The following NKAIN2 variants were observed in gnomAD, a reference collection of about 807,000 sequenced individuals.
NKAIN2 encodes sodium/potassium-transporting ATPase subunit beta-1-interacting protein 2.
A neutral mutation model predicts 32.6 loss-of-function variants in NKAIN2; 14 were observed. The ratio of observed to expected loss-of-function variants is 0.43; its 90% CI spans 0.28 to 0.67. The LOEUF is 0.67. Among genes scored for constraint, NKAIN2 ranks in the 30% least tolerant of loss-of-function variants. The pLI, the probability that NKAIN2 is intolerant of heterozygous loss-of-function variation, is 0.17. For missense variants in NKAIN2, 198 were observed against 258.3 expected (o/e 0.77, Z 1.60); for synonymous variants, 80 against 87.2 (o/e 0.92, Z 0.46).
chr6:124,679,480 A>G (rs1011406615), intron 4 of NKAIN2, among the ~76,000 whole-genome samples: 5 of 152,176 alleles, frequency 3.3e-5, no homozygotes, highest in African/African-American at 1.2e-4. Flanking sequence ...CAATCATACT[A>G]TACTGAGCCA....
chr6:124,796,726 C>T, intron 5 of NKAIN2, among the ~76,000 whole-genome samples: 1 of 152,146 alleles, frequency 6.6e-6, no homozygotes. Context: ...CCTTAGAACC[C>T]TATTTGAGTG....
At chr6:124,455,968 A>AT (rs1021522459) in intron 3 of NKAIN2, among the ~76,000 whole-genome samples, 6 of 151,764 alleles carry the variant, frequency 4.0e-5, no homozygotes, top group African/African-American at 7.3e-5. Flanking sequence ...AGGAGTCACT[A>AT]TTTTTTTCAG....
At chr6:124,050,359 A>G (rs1293391675) in intron 1 of NKAIN2, among the ~76,000 whole-genome samples, 4 of 152,044 alleles carry the variant, frequency 2.6e-5, no homozygotes, top group African/African-American at 4.8e-5. Flanking sequence ...CAGAAGAAGT[A>G]AAATATATAA....
chr6:124,460,535 G>T (rs1192792000), intron 3 of NKAIN2, among the ~76,000 whole-genome samples: 1 of 151,524 alleles, frequency 6.6e-6, no homozygotes, highest in African/African-American at 2.4e-5. Context: ...CTTTTCCTTT[G>T]GAATTATTAA....
chr6:124,137,218 C>A (rs1786853221), intron 1 of NKAIN2, among the ~76,000 whole-genome samples: 1 of 152,002 alleles, frequency 6.6e-6, no homozygotes, highest in South Asian at 2.1e-4. Context: ...CCAACAACAA[C>A]CAAACTGAGA....
chr6:124,345,363 G>C (rs1798358824), intron 2 of NKAIN2, among the ~76,000 whole-genome samples: 1 of 152,014 alleles, frequency 6.6e-6, no homozygotes, highest in Admixed American at 6.6e-5. Flanking sequence ...GAGTTAGGGA[G>C]GATTCCCTCT....
intron 1 of NKAIN2, among the ~76,000 whole-genome samples, chr6:123,941,631 A>G (rs1776830719): frequency 6.6e-6 from 1 of 151,934 alleles, no homozygotes; most frequent in African/African-American, 2.4e-5. Flanking sequence ...TTCAAACACA[A>G]ATATTATAAT....
intron 3 of NKAIN2, among the ~76,000 whole-genome samples, chr6:124,497,421 G>A (rs759627764): frequency 7.2e-5 from 11 of 152,044 alleles, no homozygotes; most frequent in Admixed American, 3.9e-4. Flanking sequence ...ATAATACATC[G>A]CTAGGGCTTT....
At chr6:124,354,632 C>T (rs1798884307) in intron 2 of NKAIN2, among the ~76,000 whole-genome samples, 1 of 152,144 alleles carries the variant, frequency 6.6e-6, no homozygotes. Flanking sequence ...CATTGTCCTA[C>T]ACGGAGATGG....
chr6:124,579,009 T>C (rs1781431373), intron 3 of NKAIN2, among the ~76,000 whole-genome samples: 1 of 152,200 alleles, frequency 6.6e-6, no homozygotes, highest in South Asian at 2.1e-4. Flanking sequence ...CTCTATGAGT[T>C]TGCGCAAGCC....
intron 1 of NKAIN2, among the ~76,000 whole-genome samples, chr6:124,161,327 G>T (rs1364703516): frequency 6.6e-6 from 1 of 151,988 alleles, no homozygotes; most frequent in Non-Finnish European, 1.5e-5. Flanking sequence ...ACTGTCACAA[G>T]AACAGCACCA....
chr6:124,450,051 C>T (rs984578316), intron 3 of NKAIN2, among the ~76,000 whole-genome samples: 20 of 152,064 alleles, frequency 1.3e-4, no homozygotes, highest in African/African-American at 4.8e-4. Flanking sequence ...GCTTGCAAAG[C>T]TAAATATAAA....
intron 1 of NKAIN2, among the ~76,000 whole-genome samples, chr6:123,862,069 A>G (rs1775806756): frequency 6.6e-6 from 1 of 152,196 alleles, no homozygotes. Flanking sequence ...ATAATCAAGA[A>G]GTTTTCAATC....
chr6:124,239,664 T>G (rs1467638433), intron 1 of NKAIN2, among the ~76,000 whole-genome samples: 3 of 151,980 alleles, frequency 2.0e-5, no homozygotes, highest in African/African-American at 7.2e-5. Flanking sequence ...ATAATGAAAT[T>G]AAGGCAGAAA....
At position 124,027,139 on chromosome 6, in the gene NKAIN2, CTT is replaced by C. The variant is rs60788673; in HGVS notation, c.54+222901_54+222902del. Among the ~76,000 whole-genome samples the C allele has an allele frequency of 4.9e-3, 668 of 137,000 alleles. 4 individuals are homozygous for C. The highest frequency in any genetic ancestry group is 0.017 in the African/African-American group (619 of 37,128). 89.9% of individuals were successfully genotyped at this position (137,000 alleles called of 152,430 possible). On this transcript the variant is annotated intron_variant, in intron 1 of 6. Transcript: ENST00000368417. ...TACTCTCAGGGGTTTAATTATCACTCTTTTTTTTTTTTTTTTTAAGACAGATT... is the reference window on the plus strand; with the variant it reads ...TACTCTCAGGGGTTTAATTATCACTCTTTTTTTTTTTTTTTAAGACAGATT...
rs781319620 is a variant in NKAIN2, at chr6:123,804,194, G to A, written c.-7G>A. On this transcript the variant is annotated 5_prime_UTR_variant, in exon 1 of 7. Coordinates refer to ENST00000368417, the MANE Select transcript of NKAIN2 (RefSeq NM_001040214.3). ...ACAGTCTGGCTGTGGCAGGGGTCTC[G>A]GAAACCATGGGTTATTGCAGTGGCA... The A allele has an allele frequency of 6.2e-7, 1 of 1,613,718 alleles. No individual in the cohort carries two copies. The highest frequency in any genetic ancestry group is 1.3e-5 in the African/African-American group (1 of 74,914).
intron 1 of NKAIN2, among the ~76,000 whole-genome samples, chr6:124,111,073 T>A (rs1475600260): frequency 1.3e-5 from 2 of 152,100 alleles, no homozygotes; most frequent in Non-Finnish European, 2.9e-5. Flanking sequence ...GTTCATTTAT[T>A]CTGGATTATG....
chr6:123,999,878 A>G (rs1207223480), intron 1 of NKAIN2, among the ~76,000 whole-genome samples: 1 of 152,060 alleles, frequency 6.6e-6, no homozygotes, highest in Non-Finnish European at 1.5e-5. Flanking sequence ...GTCTTCCTAT[A>G]TTTAGTTGCT....
intron 3 of NKAIN2, among the ~76,000 whole-genome samples, chr6:124,407,833 T>A (rs1206088984): frequency 1.3e-5 from 2 of 150,098 alleles, no homozygotes; most frequent in African/African-American, 4.9e-5. Context: ...GTGTTCCTAT[T>A]TCTCCACATC....
Sources: gnomAD v4.1 joint callset for allele counts (sites outside exome capture counted in the v4.1 genomes callset) on GRCh38, gnomAD v4.1.1 for gene constraint, MANE v1.5 for transcripts, NCBI Gene and HGNC (gene_info 2026-07-23, HGNC 2026-07-21) for gene names.